The following MICOS13 variants were observed in gnomAD, a reference collection of about 807,000 sequenced individuals.
MICOS13 encodes mitochondrial contact site and cristae organizing system subunit 13.
A neutral mutation model predicts 16.1 loss-of-function variants in MICOS13; 15 were observed. The observed-to-expected ratio is 0.93, with a 90% CI of 0.62 to 1.44. MICOS13 has a LOEUF of 1.44. Among genes scored for constraint, MICOS13 ranks in the 40% most tolerant of loss-of-function variants. The pLI is 0.00. For missense variants in MICOS13, 164 were observed against 155.0 expected, an observed-to-expected ratio of 1.06 and a Z score of -0.31; for synonymous variants, 61 against 62.6, an observed-to-expected ratio of 0.97 and a Z score of 0.12.
chr19:5,679,736 C>A lies in MICOS13; in HGVS notation c.57G>T (p.Gly19=), dbSNP rs2054498359. ...GGTCGTACACCAGGTAGACGGCGCCCCCAGCCACACTTCCCTTGATGAGGA... is the reference window on the plus strand; with the variant it reads ...GGTCGTACACCAGGTAGACGGCGCCACCAGCCACACTTCCCTTGATGAGGA... ...MRFLIKGSVA[G]GAVYLVYDQE... Residue 19 remains glycine, a synonymous_variant, in exon 2 of 4, where the codon GGG becomes GGT. Coordinates refer to ENST00000309324, the MANE Select transcript of MICOS13 (RefSeq NM_205767.3). 2 of 1,608,154 alleles carry A rather than the reference C, an allele frequency of 1.2e-6. No individual in the cohort carries two copies. Among genetic ancestry groups the A allele is most frequent in the Non-Finnish European group, 1.7e-6 (2 of 1,178,740 alleles).
rs771993682 is a variant in MICOS13 at position 5,679,756 on chromosome 19, T to C, written c.37A>G (p.Ile13Val). 3.7e-6 allele frequency: 6 copies of C among 1,602,178 alleles called. No individual in the cohort carries two copies. The South Asian group carries it at 6.6e-5, about 18-fold the overall frequency. ...GCGCCCCCAGCCACACTTCCCTTGA[T>C]GAGGAACCTGCGGGCAGGGACGGGA... ...ARVWSLMRFL[I>V]KGSVAGGAVY... The change falls in exon 2 of 4, where the codon ATC (isoleucine) becomes GTC (valine). Residue 13 changes from isoleucine to valine, a missense_variant. Physicochemically the swap from Ile to Val is conservative, Grantham distance 29. Coordinates refer to ENST00000309324, the MANE Select transcript of MICOS13 (RefSeq NM_205767.3).
chr19:5,679,705 G>T lies in MICOS13; in HGVS notation c.88C>A (p.Leu30Met). The change falls in exon 2 of 4, where the codon CTG becomes ATG. Residue 30 changes from leucine to methionine, a missense_variant. Transcript: ENST00000309324. Reference sequence around the variant, plus strand: ...TGGCTCTTGTCGCTGGGCCCCAGCAGCTCCTGGTCGTACACCAGGTAGACG... The same window carrying T: ...TGGCTCTTGTCGCTGGGCCCCAGCATCTCCTGGTCGTACACCAGGTAGACG... ...GAVYLVYDQE[L>M]LGPSDKSQAA... 1 of 1,609,894 alleles carries T rather than the reference G, an allele frequency of 6.2e-7. No homozygotes were observed. Among genetic ancestry groups the T allele is most frequent in the Non-Finnish European group, 8.5e-7 (1 of 1,179,188 alleles).
intron 3 of MICOS13, 30 bp from the exon 4 acceptor site, chr19:5,678,678 C>A: frequency 6.7e-7 from 1 of 1,482,520 alleles, no homozygotes; most frequent in South Asian, 1.3e-5. Flanking sequence ...ACTGGTGATA[C>A]TCCCCTCCCA....
rs1568293849 is a variant in MICOS13, at chr19:5,679,764, C to T, written c.30-1G>A. The T allele has an allele frequency of 1.3e-6, 2 of 1,598,424 alleles. No homozygotes were observed. Among genetic ancestry groups the T allele is most frequent in the African/African-American group, 1.3e-5 (1 of 74,662 alleles). On this transcript the variant is annotated splice_acceptor_variant, in intron 1 of 3. Coordinates refer to ENST00000309324, the MANE Select transcript of MICOS13 (RefSeq NM_205767.3). LOFTEE classifies it high-confidence loss of function. ...AGCCACACTTCCCTTGATGAGGAAC[C>T]TGCGGGCAGGGACGGGAGGAGCAGA...
chr19:5,680,386 G>A (rs375744655), intron 1 of MICOS13, 72 bp downstream of exon 1: 1 of 1,607,218 alleles, frequency 6.2e-7, no homozygotes, highest in East Asian at 2.2e-5. Context: ...ATCGGGACCA[G>A]ACTGGAGACA....
rs1165540245 is a variant in MICOS13, at chr19:5,679,707, T to C, written c.86A>G (p.Glu29Gly). Residue 29 changes from glutamate (E) to glycine (G), a missense_variant, in exon 2 of 4, where the codon GAG becomes GGG. Glu to Gly is a moderately conservative substitution (Grantham distance 98, BLOSUM62 -2). Transcript: ENST00000309324. ...GCTCTTGTCGCTGGGCCCCAGCAGCTCCTGGTCGTACACCAGGTAGACGGC... is the reference window on the plus strand; with the variant it reads ...GCTCTTGTCGCTGGGCCCCAGCAGCCCCTGGTCGTACACCAGGTAGACGGC... ...GGAVYLVYDQ[E>G]LLGPSDKSQA... The C allele has an allele frequency of 6.2e-7, 1 of 1,610,050 alleles. No homozygotes were observed. Among genetic ancestry groups the C allele is most frequent in the Non-Finnish European group, 8.5e-7 (1 of 1,179,274 alleles).
Position 5,678,468 on chromosome 19 carries a change from C to G in MICOS13, c.*83G>C, listed in dbSNP as rs191926179. The G allele has an allele frequency of 7.6e-6, 10 of 1,322,878 alleles. No homozygotes were observed. The African/African-American group carries it at 1.0e-4, about 14-fold the overall frequency. The allele number at this position is 1,322,878 out of a possible 1,614,324, so 81.9% of individuals were successfully genotyped here. On this transcript the variant is annotated 3_prime_UTR_variant, in exon 4 of 4. Transcript: ENST00000309324. Reference sequence around the variant, plus strand: ...GGCCGGCAAGGCCGGGAGCTGCCCTCGGAGTGGGGTCCCAGTCCGGAGTCT... The same window carrying G: ...GGCCGGCAAGGCCGGGAGCTGCCCTGGGAGTGGGGTCCCAGTCCGGAGTCT...
In MICOS13 at chr19:5,678,649, C is replaced by G. The variant is rs1238622367; in HGVS notation, c.260-1G>C. ...AGAGCTGACATCACCGTCATGATGC[C>G]TGTGGGAAAGGGACGGCCACTGGTG... is the stretch of plus-strand genomic sequence containing the variant. On this transcript the variant is annotated splice_acceptor_variant, in intron 3 of 3. Coordinates refer to ENST00000309324, the MANE Select transcript of MICOS13 (RefSeq NM_205767.3). LOFTEE classifies it high-confidence loss of function. The G allele has an allele frequency of 6.6e-7, 1 of 1,522,044 alleles. No individual in the cohort carries two copies. Among genetic ancestry groups the G allele is most frequent in the Admixed American group, 2.1e-5 (1 of 47,780 alleles). The allele number at this position is 1,522,044 out of a possible 1,614,324, so 94.3% of individuals were successfully genotyped here.
At chr19:5,679,899 C>T in intron 1 of MICOS13, 136 bp from the exon 2 acceptor site, 1 of 1,347,060 alleles carries the variant, frequency 7.4e-7, no homozygotes, top group Non-Finnish European at 1.0e-6. Context: ...GCAGCACCGT[C>T]GACCCAGACC....
At chr19:5,679,477 C>T (rs1011696560) in intron 2 of MICOS13, 81 bp from the exon 3 acceptor site, 6 of 1,593,220 alleles carry the variant, frequency 3.8e-6, no homozygotes, top group African/African-American at 2.7e-5. Context: ...GAGGACAGGC[C>T]GGAGAATCAG....
At chr19:5,680,025 G>C in intron 1 of MICOS13, 1 of 1,510,086 alleles carries the variant, frequency 6.6e-7, no homozygotes. Context: ...CCCACAGTGA[G>C]CAGGGGCAGT....
At chr19:5,679,034 AAGCAGCAGCT>A (rs2054482140) in intron 3 of MICOS13, 1 of 383,796 alleles carries the variant, frequency 2.6e-6, no homozygotes, top group East Asian at 6.0e-5. Flanking sequence ...TCAGCCTCTC[AAGCAGCAGCT>A]GGGATTACAG....
Position 5,679,701 on chromosome 19 carries a change from A to G in MICOS13, c.92T>C (p.Leu31Pro), listed in dbSNP as rs1269648317. The G allele has an allele frequency of 6.2e-7, 1 of 1,610,042 alleles. No homozygotes were observed. The highest frequency in any genetic ancestry group is 1.1e-5 in the South Asian group (1 of 90,860). ...AVYLVYDQEL[L>P]GPSDKSQAAL... ...TGCCTGGCTCTTGTCGCTGGGCCCC[A>G]GCAGCTCCTGGTCGTACACCAGGTA... Residue 31 changes from leucine to proline, a missense_variant, in exon 2 of 4, where the codon CTG (leucine) becomes CCG (proline). By Grantham distance (98) the Leu-to-Pro change is moderately conservative. Coordinates refer to ENST00000309324, the MANE Select transcript of MICOS13 (RefSeq NM_205767.3).
intron 3 of MICOS13, chr19:5,679,103 G>A: frequency 2.0e-6 from 1 of 494,474 alleles, no homozygotes; most frequent in Non-Finnish European, 3.6e-6. Flanking sequence ...GTAGAGATGG[G>A]GTTTCACCAT....
intron 1 of MICOS13, 108 bp from the exon 2 acceptor site, chr19:5,679,871 A>C: frequency 7.0e-7 from 1 of 1,419,140 alleles, no homozygotes; most frequent in Non-Finnish European, 9.4e-7. Flanking sequence ...CACCGTCCAC[A>C]GGGTGACACT....
chr19:5,679,545 A>G, intron 2 of MICOS13, 41 bp downstream of exon 2: 1 of 1,600,426 alleles, frequency 6.2e-7, no homozygotes. Context: ...CCCAGAGCTG[A>G]CCACCCGCCA....
chr19:5,679,679 C>A lies in MICOS13; in HGVS notation c.114G>T (p.Gln38His), dbSNP rs148755990. The A allele has an allele frequency of 5.0e-6, 8 of 1,610,476 alleles. No homozygotes were observed. Among genetic ancestry groups the A allele is most frequent in the Non-Finnish European group, 6.8e-6 (8 of 1,179,232 alleles). Reference protein sequence around the residue: ...QELLGPSDKSQAALQKAGEVV... With the variant: ...QELLGPSDKSHAALQKAGEVV... Reference sequence around the variant, plus strand: ...CCTCCCCAGCCTTCTGTAGGGCTGCCTGGCTCTTGTCGCTGGGCCCCAGCA... The same window carrying A: ...CCTCCCCAGCCTTCTGTAGGGCTGCATGGCTCTTGTCGCTGGGCCCCAGCA... Residue 38 changes from glutamine (Q) to histidine (H), a missense_variant, in exon 2 of 4, where the codon CAG becomes CAT. Coordinates refer to ENST00000309324, the MANE Select transcript of MICOS13 (RefSeq NM_205767.3).
chr19:5,680,294 G>A (rs2145525190), intron 1 of MICOS13, 164 bp downstream of exon 1: 2 of 1,608,468 alleles, frequency 1.2e-6, no homozygotes, highest in Non-Finnish European at 1.7e-6. Context: ...GGGAAGCCCC[G>A]CCCCTCTGAA....
chr19:5,680,085 C>T (rs972238898), intron 1 of MICOS13: 13 of 1,534,084 alleles, frequency 8.5e-6, no homozygotes, highest in Non-Finnish European at 9.6e-6. Context: ...CTGGAGAAAC[C>T]AAGTGTCCCT....
Sources: allele counts gnomAD v4.1 joint callset, GRCh38; gene constraint gnomAD v4.1.1; transcripts MANE v1.5; gene names NCBI Gene and HGNC (gene_info 2026-07-23, HGNC 2026-07-21).